Variants in TMEM132D observed in about 807,000 individuals in gnomAD.
TMEM132D encodes the protein mature OL transmembrane protein.
A neutral mutation model predicts 62.3 loss-of-function variants in TMEM132D; 21 were observed. That is an observed-to-expected ratio of 0.34 (90% CI 0.24 to 0.49). The LOEUF (loss-of-function observed/expected upper bound fraction) is 0.49. Ranked by LOEUF, TMEM132D falls within the 20% of genes least tolerant of loss-of-function variation. The probability of loss-of-function intolerance (pLI) is 0.99; values close to 1 mark genes in which losing one functional copy is unlikely to be tolerated. For missense variants in TMEM132D, 1,346 were observed against 1,402.8 expected (o/e 0.96, Z 0.65); for synonymous variants, 621 against 575.6 (o/e 1.08, Z -1.13).
intron 1 of TMEM132D, among the ~76,000 whole-genome samples, chr12:129,794,947 G>A (rs1027014158): frequency 3.3e-5 from 5 of 152,092 alleles, no homozygotes; most frequent in Admixed American, 6.6e-5. Context: ...TGTGCCACAC[G>A]AGTAGGCAGG....
chr12:129,444,195 G>T (rs887571548), intron 3 of TMEM132D, among the ~76,000 whole-genome samples: 16 of 152,106 alleles, frequency 1.1e-4, no homozygotes, highest in Non-Finnish European at 2.1e-4. Context: ...CAGGACATAG[G>T]CACAGCAAAG....
At chr12:129,167,480 A>T (rs1281779905) in intron 5 of TMEM132D, among the ~76,000 whole-genome samples, 1 of 152,134 alleles carries the variant, frequency 6.6e-6, no homozygotes, top group Non-Finnish European at 1.5e-5. Context: ...GGTTGCTTTT[A>T]CACCTGCCTG....
At chr12:129,224,838 A>G (rs1879439054) in intron 4 of TMEM132D, among the ~76,000 whole-genome samples, 1 of 152,178 alleles carries the variant, frequency 6.6e-6, no homozygotes, top group Non-Finnish European at 1.5e-5. Context: ...TGGGAGGTAG[A>G]AACTGTTTTT....
intron 2 of TMEM132D, among the ~76,000 whole-genome samples, chr12:129,604,649 C>G (rs1460555409): frequency 6.6e-6 from 1 of 152,166 alleles, no homozygotes; most frequent in East Asian, 1.9e-4. Context: ...AAGATGCTTT[C>G]AAATCACTGT....
intron 1 of TMEM132D, among the ~76,000 whole-genome samples, chr12:129,845,692 A>C (rs986415267): frequency 2.0e-5 from 3 of 152,194 alleles, no homozygotes; most frequent in Non-Finnish European, 4.4e-5. Context: ...TTCAAATCAA[A>C]ATGACACAGG....
intron 1 of TMEM132D, among the ~76,000 whole-genome samples, chr12:129,799,095 T>C (rs994608781): frequency 6.6e-6 from 1 of 151,892 alleles, no homozygotes; most frequent in African/African-American, 2.4e-5. Flanking sequence ...TGAAACCCCG[T>C]CTCTACTAAA....
chr12:129,301,457 G>A (rs573495091), intron 4 of TMEM132D, among the ~76,000 whole-genome samples: 4 of 151,898 alleles, frequency 2.6e-5, no homozygotes, highest in African/African-American at 9.7e-5. Flanking sequence ...AAAAAAAGAG[G>A]CTCACCTAGG....
At chr12:129,104,004 C>G (rs950030374) in intron 5 of TMEM132D, among the ~76,000 whole-genome samples, 6 of 152,100 alleles carry the variant, frequency 3.9e-5, no homozygotes, top group Non-Finnish European at 8.8e-5. Flanking sequence ...CCCCATCAAG[C>G]TACCAATGCC....
intron 1 of TMEM132D, among the ~76,000 whole-genome samples, chr12:129,824,085 G>A (rs5012151): frequency 4.1e-4 from 63 of 151,932 alleles, no homozygotes; most frequent in East Asian, 2.3e-3. Flanking sequence ...CACAGAGCGC[G>A]GTGTCCAAGG....
At chr12:129,618,330 G>A (rs1042230023) in intron 2 of TMEM132D, among the ~76,000 whole-genome samples, 9 of 152,186 alleles carry the variant, frequency 5.9e-5, no homozygotes, top group African/African-American at 2.2e-4. Flanking sequence ...AATGAGGTCA[G>A]AGTAGTAATG....
intron 4 of TMEM132D, among the ~76,000 whole-genome samples, chr12:129,241,240 G>GA (rs549755957): frequency 5.4e-4 from 81 of 150,722 alleles, no homozygotes; most frequent in East Asian, 2.7e-3. Context: ...TAGAATGGGA[G>GA]AAAAATATTT....
At chr12:129,760,930 T>A (rs1870354110) in intron 1 of TMEM132D, among the ~76,000 whole-genome samples, 1 of 152,032 alleles carries the variant, frequency 6.6e-6, no homozygotes. Context: ...TCTGTTCCTG[T>A]GTTAGTTTGC....
intron 1 of TMEM132D, among the ~76,000 whole-genome samples, chr12:129,816,568 T>C (rs1872350812): frequency 6.6e-6 from 1 of 152,072 alleles, no homozygotes; most frequent in Non-Finnish European, 1.5e-5. Context: ...AAAGTCAAAA[T>C]AAAACAGCAG....
intron 1 of TMEM132D, among the ~76,000 whole-genome samples, chr12:129,774,392 C>G (rs1229773699): frequency 6.6e-6 from 1 of 152,178 alleles, no homozygotes. Context: ...GTGACTGAAC[C>G]TCTGTCTTGG....
chr12:129,625,275 A>G (rs1022307196), intron 2 of TMEM132D, among the ~76,000 whole-genome samples: 1 of 152,334 alleles, frequency 6.6e-6, no homozygotes, highest in Non-Finnish European at 1.5e-5. Flanking sequence ...CAATATCATC[A>G]AGTTACGGCA....
At chr12:129,789,621 A>G (rs1871344640) in intron 1 of TMEM132D, among the ~76,000 whole-genome samples, 1 of 152,224 alleles carries the variant, frequency 6.6e-6, no homozygotes, top group Non-Finnish European at 1.5e-5. Context: ...AGAAGACTGT[A>G]GAGGGCATAG....
In TMEM132D at chr12:129,560,766, C is replaced by T. The variant is rs143753933; in HGVS notation, c.969-29561G>A. Reference sequence around the variant, plus strand: ...CTTGCTCACCAAGGGTGGGTGACAACCTTCTTCAGGGAGAGTCAAGAGTGG... The same window carrying T: ...CTTGCTCACCAAGGGTGGGTGACAATCTTCTTCAGGGAGAGTCAAGAGTGG... On this transcript the variant is annotated intron_variant, in intron 2 of 8. Coordinates refer to ENST00000422113, the MANE Select transcript of TMEM132D (RefSeq NM_133448.3). Among the ~76,000 whole-genome samples the T allele has an allele frequency of 7.6e-3, 1,160 of 152,300 alleles. 17 individuals are homozygous for T. Among genetic ancestry groups the T allele is most frequent in the African/African-American group, 0.026 (1,080 of 41,570 alleles).
intron 1 of TMEM132D, among the ~76,000 whole-genome samples, chr12:129,707,152 AAT>A (rs533372204): frequency 4.0e-4 from 59 of 147,388 alleles, no homozygotes; most frequent in Admixed American, 6.1e-4. Flanking sequence ...CATTAGGAAA[AAT>A]ATATATATAT....
At chr12:129,220,413 C>T (rs1202032780) in intron 4 of TMEM132D, among the ~76,000 whole-genome samples, 1 of 152,232 alleles carries the variant, frequency 6.6e-6, no homozygotes, top group African/African-American at 2.4e-5. Flanking sequence ...CCCATATACC[C>T]TCACAGACAC....
Sources: allele counts gnomAD v4.1 joint callset (sites outside exome capture counted in the v4.1 genomes callset), GRCh38; gene constraint gnomAD v4.1.1; transcripts MANE v1.5; gene names NCBI Gene and HGNC (gene_info 2026-07-23, HGNC 2026-07-21).